RNLS: variants seen among roughly 807,000 people sequenced by gnomAD.
The protein encoded by RNLS is renalase, FAD dependent amine oxidase, also known as renalase.
Under a neutral mutation model 39.8 loss-of-function variants are expected in RNLS, and 39 were observed. The observed-to-expected ratio is 0.98, with a 90% CI of 0.76 to 1.28. RNLS has a LOEUF of 1.28. Ranked by LOEUF, RNLS falls within the 50% of genes most tolerant of loss-of-function variation. The pLI is 0.00. For missense variants in RNLS, 410 were observed against 413.3 expected (o/e 0.99, Z 0.07); for synonymous variants, 147 against 150.7 (o/e 0.98, Z 0.18).
intron 6 of RNLS, among the ~76,000 whole-genome samples, chr10:88,313,367 T>C (rs1845527532): frequency 6.6e-6 from 1 of 152,212 alleles, no homozygotes; most frequent in Non-Finnish European, 1.5e-5. Context: ...TGTTTTCTTT[T>C]TCAAGCCAAC....
chr10:88,523,328 A>C (rs548027622), intron 4 of RNLS, among the ~76,000 whole-genome samples: 70 of 152,262 alleles, frequency 4.6e-4, no homozygotes, highest in African/African-American at 1.6e-3. Context: ...GTATATTTGC[A>C]GGCAAGTGTA....
intron 4 of RNLS, among the ~76,000 whole-genome samples, chr10:88,407,025 C>T (rs757846197): frequency 4.0e-5 from 6 of 151,472 alleles, no homozygotes; most frequent in Non-Finnish European, 7.4e-5. Flanking sequence ...AAGAATGATA[C>T]AATGGACTTT....
intron 6 of RNLS, among the ~76,000 whole-genome samples, chr10:88,297,426 G>T (rs901903854): frequency 5.3e-5 from 8 of 152,006 alleles, no homozygotes; most frequent in African/African-American, 1.7e-4. Flanking sequence ...GACCATTGAT[G>T]GTCATTGTCT....
chr10:88,500,666 G>A (rs961646102), intron 4 of RNLS, among the ~76,000 whole-genome samples: 15 of 152,108 alleles, frequency 9.9e-5, no homozygotes, highest in Admixed American at 6.6e-5. Flanking sequence ...AAAAGTAATT[G>A]CGCTTTTTCC....
At chr10:88,190,805 T>C in the RNLS span, among the ~76,000 whole-genome samples, 1 of 152,322 alleles carries the variant, frequency 6.6e-6, no homozygotes, top group East Asian at 1.9e-4. Context: ...GAAACAATCA[T>C]CTCAGAGTTG....
At chr10:88,581,280 A>ATGTG (rs374360845) in intron 3 of RNLS, among the ~76,000 whole-genome samples, 4 of 142,646 alleles carry the variant, frequency 2.8e-5, no homozygotes, top group African/African-American at 7.9e-5. Flanking sequence ...ATATATATGT[A>ATGTG]TGTGTGTGTG....
intron 5 of RNLS, among the ~76,000 whole-genome samples, chr10:88,337,717 C>G (rs1264766253): frequency 6.6e-6 from 1 of 152,142 alleles, no homozygotes; most frequent in Non-Finnish European, 1.5e-5. Flanking sequence ...TTGCCTATAG[C>G]TTTACTCCTG....
At chr10:88,427,602 G>A (rs1408089701) in intron 4 of RNLS, among the ~76,000 whole-genome samples, 1 of 151,914 alleles carries the variant, frequency 6.6e-6, no homozygotes, top group Non-Finnish European at 1.5e-5. Flanking sequence ...TACAGGAATT[G>A]GAGATTGCAT....
At chr10:88,257,803 T>G in the RNLS span, among the ~76,000 whole-genome samples, 2 of 152,234 alleles carry the variant, frequency 1.3e-5, no homozygotes, top group African/African-American at 4.8e-5. Context: ...ATTCATGGAC[T>G]TTCACAGTCT....
chr10:88,483,522 A>G (rs564094036), intron 4 of RNLS, among the ~76,000 whole-genome samples: 29 of 152,198 alleles, frequency 1.9e-4, no homozygotes, highest in Non-Finnish European at 3.4e-4. Context: ...TAATTTTGTA[A>G]TAACATTTAC....
intron 4 of RNLS, among the ~76,000 whole-genome samples, chr10:88,511,222 G>A (rs1294916491): frequency 6.6e-6 from 1 of 151,954 alleles, no homozygotes; most frequent in Non-Finnish European, 1.5e-5. Context: ...CATTTCTCAG[G>A]AGAATCACCT....
At chr10:88,543,004 A>C (rs1848127162) in intron 4 of RNLS, among the ~76,000 whole-genome samples, 1 of 152,198 alleles carries the variant, frequency 6.6e-6, no homozygotes, top group South Asian at 2.1e-4. Flanking sequence ...TTGGTAACAC[A>C]GACAACTCCA....
intron 4 of RNLS, among the ~76,000 whole-genome samples, chr10:88,458,406 C>T (rs1023489195): frequency 9.9e-5 from 15 of 152,182 alleles, no homozygotes; most frequent in African/African-American, 3.6e-4. Context: ...CTCTTTGCTT[C>T]TTTCCCATCC....
In RNLS at chr10:88,436,224, G is replaced by A. The variant is rs182114734; in HGVS notation, c.527-73499C>T. ...GTGGGCTCATTCTGAGTTCTGATAA[G>A]GTAACTTACCTTTACTAAGTAAAAG... On this transcript the variant is annotated intron_variant, in intron 4 of 6. Transcript: ENST00000331772. 2.7e-3 allele frequency among the ~76,000 whole-genome samples: 412 copies of A among 152,210 alleles called. 3 individuals are homozygous for A. The highest frequency in any genetic ancestry group is 4.5e-3 in the Admixed American group (69 of 15,292).
intron 4 of RNLS, among the ~76,000 whole-genome samples, chr10:88,518,873 T>C (rs1034491405): frequency 3.9e-5 from 6 of 152,054 alleles, no homozygotes; most frequent in African/African-American, 1.4e-4. Context: ...AGAGATTAAG[T>C]GACCCTCCTC....
intron 5 of RNLS, among the ~76,000 whole-genome samples, chr10:88,330,662 CTT>C (rs1053950132): frequency 3.9e-5 from 6 of 152,124 alleles, no homozygotes; most frequent in Admixed American, 1.3e-4. Flanking sequence ...ATCCAATAAA[CTT>C]GATCAAGTTG....
chr10:88,564,075 G>T (rs976336077), intron 4 of RNLS, among the ~76,000 whole-genome samples: 1 of 151,892 alleles, frequency 6.6e-6, no homozygotes, highest in Non-Finnish European at 1.5e-5. Context: ...TATATTTCTA[G>T]ATAAAGAAAT....
intron 4 of RNLS, among the ~76,000 whole-genome samples, chr10:88,519,688 A>G (rs1846602615): frequency 7.0e-6 from 1 of 143,802 alleles, no homozygotes; most frequent in Non-Finnish European, 1.6e-5. Context: ...ACTGCCAGCT[A>G]CATAGATATA....
At chr10:88,452,816 A>G (rs1842432506) in intron 4 of RNLS, among the ~76,000 whole-genome samples, 1 of 152,178 alleles carries the variant, frequency 6.6e-6, no homozygotes, top group Admixed American at 6.5e-5. Flanking sequence ...CTACAGAATG[A>G]GGGCAGGAAA....
Sources: gnomAD v4.1 joint callset for allele counts (sites outside exome capture counted in the v4.1 genomes callset) on GRCh38, gnomAD v4.1.1 for gene constraint, MANE v1.5 for transcripts, NCBI Gene and HGNC (gene_info 2026-07-23, HGNC 2026-07-21) for gene names.